The following SPRYD7 variants were observed in gnomAD, a reference collection of about 807,000 sequenced individuals.
SPRYD7 encodes the protein SPRY domain containing 7.
Under a neutral mutation model 23.8 loss-of-function variants are expected in SPRYD7, and 14 were observed. The ratio of observed to expected loss-of-function variants is 0.59; its 90% CI spans 0.39 to 0.92. The LOEUF (loss-of-function observed/expected upper bound fraction) is 0.92. Ranked by LOEUF, SPRYD7 falls within the 40% of genes least tolerant of loss-of-function variation. The probability of loss-of-function intolerance (pLI) is 0.00; values close to 1 mark genes in which losing one functional copy is unlikely to be tolerated. For missense variants in SPRYD7, 194 were observed against 241.7 expected (o/e 0.80, Z 1.31); for synonymous variants, 75 against 84.9 (o/e 0.88, Z 0.64).
intron 3 of SPRYD7, among the ~76,000 whole-genome samples, chr13:49,922,087 T>A (rs1955828017): frequency 6.6e-6 from 1 of 151,998 alleles, no homozygotes; most frequent in African/African-American, 2.4e-5. Flanking sequence ...CTCTTTACTC[T>A]GGTTTCAAAT....
At chr13:49,918,073 C>T (rs933284738) in intron 4 of SPRYD7, among the ~76,000 whole-genome samples, 50 of 152,100 alleles carry the variant, frequency 3.3e-4, no homozygotes, top group African/African-American at 1.2e-3. Flanking sequence ...TTTTATTTTG[C>T]TTTTGAGACA....
chr13:49,915,720 G>A (rs1955744456), intron 4 of SPRYD7, among the ~76,000 whole-genome samples: 2 of 152,082 alleles, frequency 1.3e-5, no homozygotes, highest in South Asian at 4.1e-4. Context: ...AAATGAATGT[G>A]TATATCCAAA....
At position 49,915,141 on chromosome 13, in the gene SPRYD7, CA is replaced by C; in HGVS notation, c.512del (p.Leu171TrpfsTer32). ...PVVYVDDSAI[L>X]DCQFSEFYHT... Reference sequence around the variant, plus strand: ...GATAAAACTCACTGAACTGGCAATCCAAAATTGCACTGTCATCAACTAAAGG... The same window carrying C: ...GATAAAACTCACTGAACTGGCAATCCAAATTGCACTGTCATCAACTAAAGG... On this transcript the variant is annotated frameshift_variant, in exon 5 of 5. Transcript: ENST00000361840. LOFTEE classifies it high-confidence loss of function. 3 of 1,561,582 alleles carry C rather than the reference CA, an allele frequency of 1.9e-6. No individual in the cohort carries two copies. The highest frequency in any genetic ancestry group is 2.6e-6 in the Non-Finnish European group (3 of 1,149,738).
At chr13:49,916,028 T>C (rs984020938) in intron 4 of SPRYD7, among the ~76,000 whole-genome samples, 2 of 152,116 alleles carry the variant, frequency 1.3e-5, no homozygotes, top group African/African-American at 2.4e-5. Flanking sequence ...CAGTGGTTGT[T>C]TGGTTGGGGC....
At position 49,921,562 on chromosome 13, in the gene SPRYD7, C is replaced by A. The variant is rs1389528532; in HGVS notation, c.409G>T (p.Val137Phe). Reference protein sequence around the residue: ...GDVVGITYDHVELNVYLNGKN... With the variant: ...GDVVGITYDHFELNVYLNGKN... ...CCATTCAAGTATACATTTAATTCGA[C>A]ATGGTCATAAGTAATACCCTAGGAA... The change falls in exon 4 of 5, where the codon GTC becomes TTC. Residue 137 changes from valine to phenylalanine, a missense_variant. By Grantham distance (50) the Val-to-Phe change is conservative (BLOSUM62 -1). Coordinates refer to ENST00000361840, the MANE Select transcript of SPRYD7 (RefSeq NM_020456.4). The A allele has an allele frequency of 6.2e-7, 1 of 1,610,406 alleles. No homozygotes were observed. The highest frequency in any genetic ancestry group is 8.5e-7 in the Non-Finnish European group (1 of 1,176,828).
At chr13:49,925,539 CG>C (rs1955872539) in intron 3 of SPRYD7, among the ~76,000 whole-genome samples, 2 of 151,962 alleles carry the variant, frequency 1.3e-5, no homozygotes, top group Non-Finnish European at 2.9e-5. Context: ...AGGCCGGGCA[CG>C]GTGGCTCACG....
At chr13:49,931,878 G>A (rs1220183406) in intron 1 of SPRYD7, among the ~76,000 whole-genome samples, 1 of 152,198 alleles carries the variant, frequency 6.6e-6, no homozygotes, top group Non-Finnish European at 1.5e-5. Flanking sequence ...AGCCTGGGAG[G>A]CAGAGGTTGC....
At chr13:49,921,676 A>T in intron 3 of SPRYD7, 96 bp from the exon 4 acceptor site, 1 of 726,838 alleles carries the variant, frequency 1.4e-6, no homozygotes, top group Non-Finnish European at 2.4e-6. Flanking sequence ...GCATAGGCTG[A>T]CAACAATTTT....
At chr13:49,922,147 T>C (rs1226074582) in intron 3 of SPRYD7, among the ~76,000 whole-genome samples, 1 of 151,872 alleles carries the variant, frequency 6.6e-6, no homozygotes, top group Non-Finnish European at 1.5e-5. Flanking sequence ...CTGAATAAAA[T>C]TGGTAATTAG....
chr13:49,934,380 C>G (rs558755804), intron 1 of SPRYD7, among the ~76,000 whole-genome samples: 1 of 151,808 alleles, frequency 6.6e-6, no homozygotes, highest in African/African-American at 2.4e-5. Flanking sequence ...CATGGTGAAA[C>G]TCTGTCTCTA....
intron 3 of SPRYD7, 150 bp from the exon 4 acceptor site, chr13:49,921,730 T>A (rs1372719605): frequency 3.5e-6 from 2 of 576,354 alleles, no homozygotes; most frequent in Non-Finnish European, 6.2e-6. Context: ...TGAACTGAGC[T>A]AAAAAAATGA....
intron 4 of SPRYD7, among the ~76,000 whole-genome samples, chr13:49,915,895 A>G (rs779658902): frequency 8.5e-5 from 13 of 152,258 alleles, no homozygotes; most frequent in Admixed American, 2.6e-4. Context: ...ATGCTACAGC[A>G]TAAATGAATC....
chr13:49,917,216 G>A (rs1277041737), intron 4 of SPRYD7, among the ~76,000 whole-genome samples: 1 of 152,016 alleles, frequency 6.6e-6, no homozygotes, highest in Admixed American at 6.6e-5. Context: ...CTATTCTCTT[G>A]CCTCAGCCTC....
At chr13:49,931,168 T>C in intron 1 of SPRYD7, 34 bp from the exon 2 acceptor site, 1 of 1,386,796 alleles carries the variant, frequency 7.2e-7, no homozygotes, top group Non-Finnish European at 1.0e-6. Context: ...TGTAAAGTTT[T>C]GTATTTTCTT....
chr13:49,919,029 T>C (rs1160627753), intron 4 of SPRYD7, among the ~76,000 whole-genome samples: 6 of 152,074 alleles, frequency 3.9e-5, no homozygotes, highest in Non-Finnish European at 4.4e-5. Context: ...TTAGTTCTTA[T>C]TATAACCCAA....
intron 3 of SPRYD7, among the ~76,000 whole-genome samples, chr13:49,925,821 A>C (rs919498151): frequency 4.6e-5 from 7 of 152,078 alleles, no homozygotes. Flanking sequence ...GAAAACAAAA[A>C]AAAAAAAAAG....
intron 4 of SPRYD7, among the ~76,000 whole-genome samples, chr13:49,916,696 C>T (rs558215860): frequency 6.6e-6 from 1 of 152,072 alleles, no homozygotes; most frequent in Non-Finnish European, 1.5e-5. Context: ...AAACACAGGA[C>T]TAGTGAGGGA....
At position 49,936,244 on chromosome 13, in the gene SPRYD7, G is replaced by A. The variant is rs752669306; in HGVS notation, c.-9C>T. ...AACACCGAGGTGGCCATCGCGCAGG[G>A]ACCACCGACTCCGCCGCCGTCCCTA... On this transcript the variant is annotated 5_prime_UTR_variant, in exon 1 of 5. Transcript: ENST00000361840. 1.9e-6 allele frequency: 3 copies of A among 1,594,188 alleles called. No individual in the cohort carries two copies. Among genetic ancestry groups the A allele is most frequent in the African/African-American group, 2.7e-5 (2 of 73,734 alleles).
intron 3 of SPRYD7, among the ~76,000 whole-genome samples, chr13:49,926,698 T>C (rs1420830009): frequency 1.3e-5 from 2 of 152,200 alleles, no homozygotes; most frequent in Non-Finnish European, 2.9e-5. Context: ...TCTAAAATAC[T>C]GTACCTTTTC....
Sources: allele counts gnomAD v4.1 joint callset (sites outside exome capture counted in the v4.1 genomes callset), GRCh38; gene constraint gnomAD v4.1.1; transcripts MANE v1.5; gene names NCBI Gene and HGNC (gene_info 2026-07-23, HGNC 2026-07-21).